The following CSTF3 variants were observed in gnomAD, a reference collection of about 807,000 sequenced individuals.
CSTF3 encodes CF-1 77 kDa subunit.
Under a neutral mutation model 105.8 loss-of-function variants are expected in CSTF3, and 29 were observed. The observed-to-expected ratio is 0.27, with a 90% CI of 0.20 to 0.37. The LOEUF (loss-of-function observed/expected upper bound fraction) is 0.37, where lower values mean the gene tolerates loss of function less well. Ranked by LOEUF, CSTF3 falls within the 10% of genes least tolerant of loss-of-function variation. CSTF3 has a pLI of 1.00. For synonymous variants in CSTF3, 252 were observed against 281.9 expected (o/e 0.89, Z 1.06); for missense variants, 357 against 879.3 (o/e 0.41, Z 7.51).
intron 8 of CSTF3, 77 bp from the exon 9 acceptor site, chr11:33,103,261 T>C: frequency 4.8e-6 from 3 of 621,662 alleles, no homozygotes; most frequent in Non-Finnish European, 7.9e-6. Context: ...TTTATTCATT[T>C]ACTAAATAAC....
At chr11:33,132,168 A>G (rs1180896775) in intron 3 of CSTF3, among the ~76,000 whole-genome samples, 6 of 152,180 alleles carry the variant, frequency 3.9e-5, no homozygotes, top group African/African-American at 1.4e-4. Context: ...CTATTTCTGC[A>G]TATATCCTTT....
chr11:33,092,352 A>G lies in CSTF3; in HGVS notation c.1376-12T>C, dbSNP rs749680289. On this transcript the variant is annotated splice_polypyrimidine_tract_variant and intron_variant, in intron 15 of 20. Transcript: ENST00000323959. ...GGTATTATTGTCCTCTAGGATATTG[A>G]AAAAGATTTTAATTTTTTTAATTCA... 6.6e-6 allele frequency: 10 copies of G among 1,505,196 alleles called. No homozygotes were observed. Among genetic ancestry groups the G allele is most frequent in the Non-Finnish European group, 8.9e-6 (10 of 1,122,276 alleles). The allele number at this position is 1,505,196 out of a possible 1,614,324, so 93.2% of individuals were successfully genotyped here.
intron 17 of CSTF3, among the ~76,000 whole-genome samples, chr11:33,088,689 T>G (rs1479795122): frequency 6.6e-6 from 1 of 152,076 alleles, no homozygotes; most frequent in Non-Finnish European, 1.5e-5. Flanking sequence ...CACGGCTCAC[T>G]AAAGTAGGCT....
At chr11:33,126,416 C>T (rs1392593602) in intron 3 of CSTF3, among the ~76,000 whole-genome samples, 1 of 151,892 alleles carries the variant, frequency 6.6e-6, no homozygotes, top group African/African-American at 2.4e-5. Flanking sequence ...AGCGACCGCA[C>T]TCCAGCCTGG....
intron 1 of CSTF3, among the ~76,000 whole-genome samples, chr11:33,156,516 T>G (rs748951530): frequency 1.3e-4 from 20 of 152,210 alleles, no homozygotes; most frequent in Admixed American, 1.3e-3. Flanking sequence ...CTTCCCAAAA[T>G]TATTTTTCAC....
intron 3 of CSTF3, among the ~76,000 whole-genome samples, chr11:33,109,151 T>C (rs1855355146): frequency 6.6e-6 from 1 of 152,174 alleles, no homozygotes; most frequent in African/African-American, 2.4e-5. Flanking sequence ...GCAGGAGAAA[T>C]AGCATGTGCA....
intron 15 of CSTF3, among the ~76,000 whole-genome samples, chr11:33,095,750 G>GA (rs1855214577): frequency 6.6e-6 from 1 of 151,156 alleles, no homozygotes; most frequent in African/African-American, 2.4e-5. Context: ...GAACCCCAGG[G>GA]GGCGGAGCCT....
At chr11:33,155,075 G>A (rs1390715217) in intron 1 of CSTF3, among the ~76,000 whole-genome samples, 1 of 151,928 alleles carries the variant, frequency 6.6e-6, no homozygotes, top group Non-Finnish European at 1.5e-5. Flanking sequence ...AAAGATCTTG[G>A]GCCGGGCATG....
intron 15 of CSTF3, among the ~76,000 whole-genome samples, chr11:33,096,003 T>A: frequency 6.6e-6 from 1 of 152,082 alleles, no homozygotes; most frequent in Non-Finnish European, 1.5e-5. Flanking sequence ...CAGGAGATGA[T>A]CTGCCCAGAG....
At chr11:33,158,898 T>C (rs1849900230) in intron 1 of CSTF3, among the ~76,000 whole-genome samples, 1 of 151,998 alleles carries the variant, frequency 6.6e-6, no homozygotes. Flanking sequence ...ACACTTCGAA[T>C]AGACAACAGC....
At chr11:33,095,184 G>A (rs909446934) in intron 15 of CSTF3, among the ~76,000 whole-genome samples, 10 of 152,192 alleles carry the variant, frequency 6.6e-5, no homozygotes, top group African/African-American at 2.4e-4. Flanking sequence ...ACAGGCATAA[G>A]CCACCACGCC....
intron 4 of CSTF3, 131 bp downstream of exon 4, chr11:33,108,255 A>T: frequency 5.2e-6 from 5 of 952,782 alleles, no homozygotes; most frequent in Non-Finnish European, 7.2e-6. Flanking sequence ...AAAAAGCTGA[A>T]TAAGTACAAT....
At chr11:33,156,020 G>A (rs1050069626) in intron 1 of CSTF3, among the ~76,000 whole-genome samples, 1 of 152,122 alleles carries the variant, frequency 6.6e-6, no homozygotes, top group Non-Finnish European at 1.5e-5. Context: ...ACCTAACACA[G>A]TACCTTTCTG....
At chr11:33,132,149 C>A (rs191599766) in intron 3 of CSTF3, among the ~76,000 whole-genome samples, 1 of 152,244 alleles carries the variant, frequency 6.6e-6, no homozygotes, top group East Asian at 1.9e-4. Context: ...ATTTCAAATT[C>A]TTTCATTCCT....
In CSTF3 at chr11:33,099,322, T is replaced by A. The variant is rs1029158926; in HGVS notation, c.937-172A>T. ...ACACATACATAAACACATATGCATT[T>A]CTGGATTCTAAAAAAATTCCAAAAA... On this transcript the variant is annotated intron_variant, in intron 11 of 20. Coordinates refer to ENST00000323959, the MANE Select transcript of CSTF3 (RefSeq NM_001326.3). The surrounding 1 kb of genome is among the most constrained non-coding windows in gnomAD (Gnocchi z 4.1). Among the ~76,000 whole-genome samples, 2 of 152,214 alleles carry A rather than the reference T, an allele frequency of 1.3e-5. No homozygotes were observed. Among genetic ancestry groups the A allele is most frequent in the African/African-American group, 2.4e-5 (1 of 41,456 alleles).
At position 33,085,723 on chromosome 11, in the gene CSTF3, C is replaced by G. The variant is rs1855098630; in HGVS notation, c.1941G>C (p.Lys647Asn). Reference protein sequence around the residue: ...DELMEIFRRCKIPNTVEEAVR... With the variant: ...DELMEIFRRCNIPNTVEEAVR... ...GCTTCTGTTACTTACTATTTGGTATCTTGCATCTTCGGAAAATTTCCATCA... is the reference window on the plus strand; with the variant it reads ...GCTTCTGTTACTTACTATTTGGTATGTTGCATCTTCGGAAAATTTCCATCA... Residue 647 changes from lysine (K) to asparagine (N), a missense_variant, in exon 20 of 21, where the codon AAG becomes AAC. Lys to Asn is a moderately conservative substitution (Grantham distance 94). Transcript: ENST00000323959. 1 of 1,612,534 alleles carries G rather than the reference C, an allele frequency of 6.2e-7. No homozygotes were observed. Among genetic ancestry groups the G allele is most frequent in the Admixed American group, 1.7e-5 (1 of 59,992 alleles).
intron 15 of CSTF3, among the ~76,000 whole-genome samples, chr11:33,095,720 C>G (rs987811140): frequency 3.3e-5 from 5 of 151,388 alleles, no homozygotes; most frequent in African/African-American, 1.2e-4. Context: ...ACTCCGGAGG[C>G]TGAGGCAGGA....
chr11:33,135,385 AG>A (rs1188238157), intron 3 of CSTF3, among the ~76,000 whole-genome samples: 1 of 152,194 alleles, frequency 6.6e-6, no homozygotes, highest in African/African-American at 2.4e-5. Flanking sequence ...TACTGACAGC[AG>A]TAAGATTCAA....
rs139173856 is a variant in CSTF3 at position 33,144,120 on chromosome 11, C to T, written c.28-2134G>A. 4.7e-3 allele frequency among the ~76,000 whole-genome samples: 638 copies of T among 136,250 alleles called. 1 individual carries two copies. The highest frequency in any genetic ancestry group is 0.014 in the African/African-American group (585 of 40,454). 89.4% of individuals were successfully genotyped at this position (136,250 alleles called of 152,430 possible). A position where few individuals can be genotyped will look rare whatever the true frequency, so the allele number is the denominator to read the frequency against. On this transcript the variant is annotated intron_variant, in intron 1 of 20. Coordinates refer to ENST00000323959, the MANE Select transcript of CSTF3 (RefSeq NM_001326.3). ...CACTGCCCCTATCACTTTTCTCCCC[C>T]ACCACTCCCCCTTTTTTTTAGTGGA...
Sources: gnomAD v4.1 joint callset for allele counts (sites outside exome capture counted in the v4.1 genomes callset) on GRCh38, gnomAD v4.1.1 for gene constraint, Gnocchi (gnomAD v3.1) non-coding constraint, MANE v1.5 for transcripts, NCBI Gene and HGNC (gene_info 2026-07-23, HGNC 2026-07-21) for gene names.